ADK: variants seen among roughly 807,000 people sequenced by gnomAD.
ADK encodes the protein N6,N6-dimethyladenosine kinase.
ADK carries 24 observed loss-of-function variants against 44.7 expected under a neutral mutation model. That is an observed-to-expected ratio of 0.54 (90% confidence interval 0.39 to 0.76). The LOEUF is 0.76. Among genes scored for constraint, ADK ranks in the 30% least tolerant of loss-of-function variants. The pLI is 0.00. For synonymous variants in ADK, 128 were observed against 142.6 expected, an observed-to-expected ratio of 0.90 and a Z score of 0.73; for missense variants, 321 against 425.1, an observed-to-expected ratio of 0.76 and a Z score of 2.15.
At position 74,455,754 on chromosome 10, in the gene ADK, C is replaced by T. The variant is rs11818880; in HGVS notation, c.555+57175C>T. Among the ~76,000 whole-genome samples, 1,242 of 152,206 alleles carry T rather than the reference C, an allele frequency of 8.2e-3. 21 individuals carry two copies. Among genetic ancestry groups the T allele is most frequent in the African/African-American group, 0.028 (1,145 of 41,496 alleles). Reference sequence around the variant, plus strand: ...TGATCTCTTGACCTCGTGATCCTCCCGCCCTCGGCCTCCCAAAGTGCTAGG... The same window carrying T: ...TGATCTCTTGACCTCGTGATCCTCCTGCCCTCGGCCTCCCAAAGTGCTAGG... On this transcript the variant is annotated intron_variant, in intron 6 of 10. Coordinates refer to ENST00000539909, the MANE Select transcript of ADK (RefSeq NM_006721.4).
chr10:74,251,940 G>T lies in ADK; in HGVS notation c.194+27349G>T, dbSNP rs111565771. 6.4e-5 allele frequency among the ~76,000 whole-genome samples: 8 copies of T among 124,736 alleles called. 1 individual carries two copies. The highest frequency in any genetic ancestry group is 2.5e-4 in the African/African-American group (8 of 31,950). The allele number at this position is 124,736 out of a possible 152,430, so 81.8% of individuals were successfully genotyped here. On this transcript the variant is annotated intron_variant, in intron 3 of 10. Coordinates refer to ENST00000539909, the MANE Select transcript of ADK (RefSeq NM_006721.4). ...TTGTCGACTCACCTCTTTACCGTGT[G>T]ATGTGAGTAAATTCTGTATAGTCTA... is the stretch of plus-strand genomic sequence containing the variant.
chr10:74,585,024 A>G (rs1291473400), intron 7 of ADK, among the ~76,000 whole-genome samples: 2 of 152,236 alleles, frequency 1.3e-5, no homozygotes, highest in Admixed American at 1.3e-4. Context: ...CATATACGCA[A>G]ACATGCACTT....
At chr10:74,610,484 T>G (rs759172013) in intron 9 of ADK, among the ~76,000 whole-genome samples, 3 of 152,140 alleles carry the variant, frequency 2.0e-5, no homozygotes, top group Non-Finnish European at 4.4e-5. Flanking sequence ...GTTGTAAAGA[T>G]GGGTAGTGAT....
At chr10:74,617,746 C>T (rs1488509980) in intron 9 of ADK, among the ~76,000 whole-genome samples, 1 of 151,954 alleles carries the variant, frequency 6.6e-6, no homozygotes. Flanking sequence ...CAGGCACGTA[C>T]CACCACGCTA....
chr10:74,314,704 C>T lies in ADK; in HGVS notation c.232C>T (p.His78Tyr), dbSNP rs1163576169. The T allele has an allele frequency of 6.2e-7, 1 of 1,612,940 alleles. No individual in the cohort carries two copies. Among genetic ancestry groups the T allele is most frequent in the Admixed American group, 1.7e-5 (1 of 59,944 alleles). ...TGTGAAAAAATTCAAAGTCGAATAT[C>T]ATGCTGGTGGCTCTACCCAGAATTC... is the stretch of plus-strand genomic sequence containing the variant. Reference protein sequence around the residue: ...ELVKKFKVEYHAGGSTQNSIK... With the variant: ...ELVKKFKVEYYAGGSTQNSIK... Residue 78 changes from histidine (H) to tyrosine (Y), a missense_variant, in exon 4 of 11, where the codon CAT (histidine) becomes TAT (tyrosine). Transcript: ENST00000539909.
At chr10:74,418,146 A>G (rs535195597) in intron 6 of ADK, among the ~76,000 whole-genome samples, 60 of 152,304 alleles carry the variant, frequency 3.9e-4, no homozygotes, top group Non-Finnish European at 7.5e-4. Context: ...TTTTGGGAAC[A>G]TTGGCCTTTT....
chr10:74,473,530 G>A (rs1846689336), intron 6 of ADK, among the ~76,000 whole-genome samples: 1 of 152,130 alleles, frequency 6.6e-6, no homozygotes, highest in South Asian at 2.1e-4. Flanking sequence ...CTCTTTTGTG[G>A]CCTTGACACT....
chr10:74,649,635 A>G (rs1175666426), intron 9 of ADK, among the ~76,000 whole-genome samples: 2 of 152,120 alleles, frequency 1.3e-5, no homozygotes, highest in Admixed American at 6.5e-5. Context: ...AAAAAAAAAA[A>G]AACAAATTCT....
At chr10:74,391,650 T>TACACACACACACACACACACAC (rs1491120125) in intron 4 of ADK, among the ~76,000 whole-genome samples, 21 of 134,730 alleles carry the variant, frequency 1.6e-4, no homozygotes, top group African/African-American at 6.4e-4. Context: ...GAGGCAAGAA[T>TACACACACACACACACACACAC]ATACACACAC....
chr10:74,417,797 C>T (rs1426295272), intron 6 of ADK, among the ~76,000 whole-genome samples: 2 of 151,158 alleles, frequency 1.3e-5, no homozygotes, highest in African/African-American at 2.4e-5. Flanking sequence ...GGTTTCCATT[C>T]ACGAGCCCTG....
At chr10:74,299,499 CAA>C (rs57161550) in intron 3 of ADK, among the ~76,000 whole-genome samples, 2 of 124,182 alleles carry the variant, frequency 1.6e-5, no homozygotes, top group African/African-American at 3.2e-5. Flanking sequence ...GACTCTGTCT[CAA>C]AAAAAAAAAA....
At chr10:74,175,209 C>T (rs570317611) in intron 1 of ADK, among the ~76,000 whole-genome samples, 2 of 151,924 alleles carry the variant, frequency 1.3e-5, no homozygotes, top group Admixed American at 6.5e-5. Context: ...GGTGAAACTC[C>T]GTTTCTACCA....
intron 4 of ADK, among the ~76,000 whole-genome samples, chr10:74,355,809 G>C (rs1203559764): frequency 6.6e-6 from 1 of 151,730 alleles, no homozygotes; most frequent in African/African-American, 2.4e-5. Flanking sequence ...TGTGTTTGTT[G>C]GTAAACATTA....
intron 4 of ADK, among the ~76,000 whole-genome samples, chr10:74,337,066 T>C (rs1375062896): frequency 6.6e-6 from 1 of 152,210 alleles, no homozygotes; most frequent in East Asian, 1.9e-4. Flanking sequence ...ATGAGAGTTA[T>C]TTTGTTGTGG....
chr10:74,234,589 A>G (rs1844892447), intron 3 of ADK, among the ~76,000 whole-genome samples: 1 of 152,194 alleles, frequency 6.6e-6, no homozygotes, highest in African/African-American at 2.4e-5. Flanking sequence ...TTCACTAGAA[A>G]TACGTCACAA....
At chr10:74,461,965 G>A (rs1306241200) in intron 6 of ADK, among the ~76,000 whole-genome samples, 1 of 152,088 alleles carries the variant, frequency 6.6e-6, no homozygotes, top group Non-Finnish European at 1.5e-5. Flanking sequence ...ATTACAGGTT[G>A]CATATGGTAT....
chr10:74,335,130 A>AC (rs1165387340), intron 4 of ADK, among the ~76,000 whole-genome samples: 1 of 152,166 alleles, frequency 6.6e-6, no homozygotes, highest in East Asian at 1.9e-4. Flanking sequence ...GTGCTGGTCT[A>AC]CCTGCCCTGT....
At chr10:74,434,693 CT>C (rs1343911399) in intron 6 of ADK, among the ~76,000 whole-genome samples, 7 of 152,148 alleles carry the variant, frequency 4.6e-5, no homozygotes, top group Admixed American at 3.3e-4. Context: ...TTATCTGTTT[CT>C]CCTGATTTCT....
At chr10:74,570,192 T>G (rs979551293) in intron 7 of ADK, among the ~76,000 whole-genome samples, 7 of 151,984 alleles carry the variant, frequency 4.6e-5, no homozygotes, top group Non-Finnish European at 8.8e-5. Flanking sequence ...TAGTATAGTT[T>G]GAAGTCAGGT....
Sources: gnomAD v4.1 joint callset for allele counts (sites outside exome capture counted in the v4.1 genomes callset) on GRCh38, gnomAD v4.1.1 for gene constraint, MANE v1.5 for transcripts, NCBI Gene and HGNC (gene_info 2026-07-23, HGNC 2026-07-21) for gene names.